Variants in DNAH8 observed in about 807,000 individuals in gnomAD.
DNAH8 encodes axonemal beta dynein heavy chain 8.
DNAH8 carries 382 observed loss-of-function variants against 562.1 expected under a neutral mutation model. That is an observed-to-expected ratio of 0.68 (90% confidence interval 0.63 to 0.74). The LOEUF is 0.74. Ranked by LOEUF, DNAH8 falls within the 30% of genes least tolerant of loss-of-function variation. DNAH8 has a pLI of 0.00. For missense variants in DNAH8, 5,203 were observed against 5,620.4 expected (o/e 0.93, Z 2.37); for synonymous variants, 1,881 against 1,919.4 (o/e 0.98, Z 0.52).
At chr6:38,958,091 T>C (rs1205775480) in intron 82 of DNAH8, among the ~76,000 whole-genome samples, 1 of 145,216 alleles carries the variant, frequency 6.9e-6, no homozygotes, top group Non-Finnish European at 1.5e-5. Context: ...AAGCTCCGCC[T>C]CCTGGGTTCA....
chr6:38,931,713 C>T (rs996331607), intron 75 of DNAH8, 98 bp from the exon 76 acceptor site: 20 of 635,318 alleles, frequency 3.1e-5, no homozygotes, highest in East Asian at 3.0e-4. Flanking sequence ...TTTATTGAAG[C>T]GTCACAGCAC....
In DNAH8 at chr6:38,865,437, C is replaced by A. The variant is rs1015830621; in HGVS notation, c.6499-1154C>A. On this transcript the variant is annotated intron_variant, in intron 45 of 92. Transcript: ENST00000327475. Reference sequence around the variant, plus strand: ...GGATTAAGAATAATATTGGAAATAGCAATTAGATATTGCATTAAGCTGTGA... The same window carrying A: ...GGATTAAGAATAATATTGGAAATAGAAATTAGATATTGCATTAAGCTGTGA... Among the ~76,000 whole-genome samples the A allele has an allele frequency of 1.8e-4, 27 of 152,036 alleles. 2 individuals carry two copies. Among genetic ancestry groups the A allele is most frequent in the Admixed American group, 2.6e-4 (4 of 15,274 alleles).
intron 52 of DNAH8, among the ~76,000 whole-genome samples, chr6:38,874,613 C>T (rs897518208): frequency 6.6e-6 from 1 of 151,982 alleles, no homozygotes; most frequent in Non-Finnish European, 1.5e-5. Flanking sequence ...AAGCAGTCCT[C>T]CTGCCTCAGC....
At chr6:38,910,630 G>A (rs9380809) in intron 65 of DNAH8, among the ~76,000 whole-genome samples, 36,135 of 151,894 alleles carry the variant, frequency 0.24, 5,431 homozygotes, top group Non-Finnish European at 0.34. Flanking sequence ...TTACCTTTGT[G>A]CAGCTACAAA....
chr6:38,767,429 C>T (rs1562709724), intron 11 of DNAH8, among the ~76,000 whole-genome samples: 2 of 125,950 alleles, frequency 1.6e-5, no homozygotes, highest in Non-Finnish European at 3.4e-5. Flanking sequence ...AAGAACAAAA[C>T]TCCATCTCAG....
chr6:38,755,288 A>G (rs1765811460), intron 9 of DNAH8, among the ~76,000 whole-genome samples: 1 of 152,184 alleles, frequency 6.6e-6, no homozygotes, highest in Non-Finnish European at 1.5e-5. Context: ...TAATATGCTA[A>G]CGCTCTTAGC....
chr6:38,888,976 A>G (rs150679292), intron 57 of DNAH8, among the ~76,000 whole-genome samples: 1 of 152,178 alleles, frequency 6.6e-6, no homozygotes, highest in Non-Finnish European at 1.5e-5. Flanking sequence ...GTATTCTTTT[A>G]TGTTTTCTTC....
chr6:38,767,969 C>T (rs1767183043), intron 11 of DNAH8, among the ~76,000 whole-genome samples: 1 of 152,132 alleles, frequency 6.6e-6, no homozygotes, highest in African/African-American at 2.4e-5. Context: ...TTTTTATTTT[C>T]TATTATTTTG....
At chr6:38,748,535 C>G (rs528775315) in intron 8 of DNAH8, among the ~76,000 whole-genome samples, 200 of 152,030 alleles carry the variant, frequency 1.3e-3, no homozygotes, top group Non-Finnish European at 2.2e-3. Flanking sequence ...ATTTCATGCT[C>G]TCTTCATCTC....
rs115865932 is a variant in DNAH8 at position 38,846,996 on chromosome 6, G to T, written c.5045+1223G>T. On this transcript the variant is annotated intron_variant, in intron 36 of 92. Coordinates refer to ENST00000327475, the MANE Select transcript of DNAH8 (RefSeq NM_001206927.2). ...TAGAGAACTTTGCAGTGCCAAGTAG[G>T]TCTGGAAAGCCTGTTCCAGAACTAA... 6.9e-3 allele frequency among the ~76,000 whole-genome samples: 1,057 copies of T among 152,260 alleles called. 5 individuals are homozygous for T. The highest frequency in any genetic ancestry group is 0.024 in the African/African-American group (1,009 of 41,576).
chr6:38,869,968 A>T (rs1425650402), intron 48 of DNAH8, among the ~76,000 whole-genome samples: 2 of 152,244 alleles, frequency 1.3e-5, no homozygotes, highest in Non-Finnish European at 2.9e-5. Flanking sequence ...TCACAGTTCC[A>T]CATGGCTGGG....
intron 63 of DNAH8, among the ~76,000 whole-genome samples, chr6:38,907,316 A>G (rs1452350042): frequency 6.6e-6 from 1 of 152,214 alleles, no homozygotes; most frequent in Non-Finnish European, 1.5e-5. Context: ...CTTGAGATTC[A>G]GAGTCCAGTG....
chr6:38,779,876 T>C (rs754820419), intron 14 of DNAH8, 90 bp from the exon 15 acceptor site: 1 of 1,252,200 alleles, frequency 8.0e-7, no homozygotes, highest in Non-Finnish European at 1.1e-6. Flanking sequence ...TGAATATTTG[T>C]CAAATGAATG....
intron 59 of DNAH8, among the ~76,000 whole-genome samples, chr6:38,895,281 G>A (rs903238585): frequency 1.3e-5 from 2 of 152,120 alleles, no homozygotes; most frequent in South Asian, 4.2e-4. Context: ...AGAGTAAGGA[G>A]CATTGTCATC....
intron 62 of DNAH8, 42 bp downstream of exon 62, chr6:38,899,948 T>G: frequency 6.9e-7 from 1 of 1,450,696 alleles, no homozygotes; most frequent in Non-Finnish European, 9.2e-7. Context: ...TATAGTTAAT[T>G]TCTCTATAGT....
In DNAH8 at chr6:38,875,630, G is replaced by A. The variant is rs1156804668; in HGVS notation, c.7660G>A (p.Glu2554Lys). 6.2e-7 allele frequency: 1 copy of A among 1,613,124 alleles called. No individual in the cohort carries two copies. The highest frequency in any genetic ancestry group is 1.7e-5 in the Admixed American group (1 of 59,996). Residue 2554 changes from glutamate to lysine, a missense_variant, in exon 53 of 93, where the codon GAA becomes AAA. By Grantham distance (56) the Glu-to-Lys change is moderately conservative (BLOSUM62 1). Coordinates refer to ENST00000327475, the MANE Select transcript of DNAH8 (RefSeq NM_001206927.2). ...LLEGLIPSKE[E>K]GGVSCVEHLH... is the part of the protein sequence containing the mutation. ...GGAAGGGTTAATTCCCTCCAAAGAA[G>A]AAGGCGGTGTTTCCTGTGTCGAACA...
chr6:38,982,287 A>C, intron 85 of DNAH8, 59 bp from the exon 86 acceptor site: 1 of 730,226 alleles, frequency 1.4e-6, no homozygotes, highest in Non-Finnish European at 2.5e-6. Context: ...CTGTATTTTG[A>C]TAGCAATAAA....
Position 38,737,900 on chromosome 6 carries a change from T to A in DNAH8, c.1044T>A (p.Ala348=), listed in dbSNP as rs765294651. The change falls in exon 7 of 93, where the codon GCT becomes GCA. Residue 348 remains alanine, a synonymous_variant. Transcript: ENST00000327475. The stretch of plus-strand genomic sequence containing the variant: ...TGCACACCTTTGAAGAAGTAACTGC[T>A]GCAGCCAGCAACTCAGAAACTGTTC... ...SKLHTFEEVT[A]AASNSETVHQ... 6.2e-7 allele frequency: 1 copy of A among 1,607,056 alleles called. No homozygotes were observed. Among genetic ancestry groups the A allele is most frequent in the Non-Finnish European group, 8.5e-7 (1 of 1,177,412 alleles).
chr6:38,981,588 G>A (rs1459815420), intron 85 of DNAH8, among the ~76,000 whole-genome samples: 1 of 152,236 alleles, frequency 6.6e-6, no homozygotes, highest in Non-Finnish European at 1.5e-5. Context: ...TGGCAAGATT[G>A]CAAAGGGAAG....
Sources: allele counts gnomAD v4.1 joint callset (sites outside exome capture counted in the v4.1 genomes callset), GRCh38; gene constraint gnomAD v4.1.1; transcripts MANE v1.5; gene names NCBI Gene and HGNC (gene_info 2026-07-23, HGNC 2026-07-21).